The following KRT37 variants were observed in gnomAD, a reference collection of about 807,000 sequenced individuals.
KRT37 encodes keratin 37, also known as keratin, type I cuticular Ha7.
KRT37 carries 38 observed loss-of-function variants against 41.9 expected under a neutral mutation model. That is an observed-to-expected ratio of 0.91 (90% CI 0.70 to 1.19). The LOEUF (loss-of-function observed/expected upper bound fraction) is 1.19. KRT37 is among the 50% of genes most tolerant of loss of function. The pLI is 0.00. For missense variants in KRT37, 580 were observed against 575.5 expected, an observed-to-expected ratio of 1.01 and a Z score of -0.08; for synonymous variants, 252 against 243.4, an observed-to-expected ratio of 1.04 and a Z score of -0.33.
chr17:41,421,942 A>T (rs1477152726), intron 5 of KRT37, 127 bp downstream of exon 5: 1 of 1,504,750 alleles, frequency 6.6e-7, no homozygotes, highest in African/African-American at 1.4e-5. Flanking sequence ...AGACGTCTCC[A>T]TCGGGTATAG....
At chr17:41,423,732 G>T (rs751971783) in intron 2 of KRT37, 30 bp downstream of exon 2, 1 of 1,603,128 alleles carries the variant, frequency 6.2e-7, no homozygotes, top group South Asian at 1.1e-5. Context: ...CAGGAGAGAA[G>T]TCACACTGAC....
chr17:41,423,526 T>G, intron 2 of KRT37: 1 of 481,854 alleles, frequency 2.1e-6, no homozygotes, highest in Non-Finnish European at 3.6e-6. Flanking sequence ...TGGGAGAAAG[T>G]GACATAGGTT....
At chr17:41,421,098 G>C in intron 6 of KRT37, 112 bp from the exon 7 acceptor site, 1 of 845,464 alleles carries the variant, frequency 1.2e-6, no homozygotes, top group Non-Finnish European at 1.9e-6. Context: ...ACAGACCAGA[G>C]AATCTATACC....
rs2018579466 is a variant in KRT37 at position 41,424,049 on chromosome 17, C to T, written c.475G>A (p.Glu159Lys). The T allele has an allele frequency of 3.7e-6, 6 of 1,613,310 alleles. No individual in the cohort carries two copies. The highest frequency in any genetic ancestry group is 5.1e-6 in the Non-Finnish European group (6 of 1,179,426). The change falls in exon 1 of 7, where the codon GAG becomes AAG. Residue 159 changes from glutamate to lysine, a missense_variant. Coordinates refer to ENST00000225550, the MANE Select transcript of KRT37 (RefSeq NM_003770.5). ...CACCTCACCTTCTGCTGGAGCTCCT[C>T]GATTGTACGGAAGTAGGACTGGTAG... is the stretch of plus-strand genomic sequence containing the variant. The part of the protein sequence containing the change: ...PDYQSYFRTI[E>K]ELQQKILCSK...
rs865840731 is a variant in KRT37 at position 41,420,908 on chromosome 17, G to A, written c.1320C>T (p.Pro440=). Residue 440 remains proline, a synonymous_variant, in exon 7 of 7, where the codon CCC becomes CCT. Transcript: ENST00000225550. ...TCCCCATGCTGGCTCCATGGCCAGA[G>A]GGAGACCCACCGGTGACAGGGCCAC... is the stretch of plus-strand genomic sequence containing the variant. ...PSCGPVTGGS[P]SGHGASMGR 6.2e-7 allele frequency: 1 copy of A among 1,613,910 alleles called. No homozygotes were observed. The highest frequency in any genetic ancestry group is 8.5e-7 in the Non-Finnish European group (1 of 1,179,860).
At chr17:41,422,674 C>G in intron 3 of KRT37, 104 bp downstream of exon 3, 1 of 1,325,372 alleles carries the variant, frequency 7.5e-7, no homozygotes, top group Admixed American at 2.6e-5. Context: ...GCCCTGCATC[C>G]TTAGGCCAGC....
At chr17:41,421,927 C>G in intron 5 of KRT37, 142 bp downstream of exon 5, 1 of 1,430,888 alleles carries the variant, frequency 7.0e-7, no homozygotes, top group Non-Finnish European at 9.5e-7. Flanking sequence ...CTGAACTTGA[C>G]AGCAAGACGT....
At position 41,424,273 on chromosome 17, in the gene KRT37, T is replaced by C; in HGVS notation, c.251A>G (p.His84Arg). 1 of 1,614,194 alleles carries C rather than the reference T, an allele frequency of 6.2e-7. No homozygotes were observed. The highest frequency in any genetic ancestry group is 8.5e-7 in the Non-Finnish European group (1 of 1,180,022). Residue 84 changes from histidine to arginine, a missense_variant, in exon 1 of 7, where the codon CAC becomes CGC. Physicochemically the swap from His to Arg is conservative, Grantham distance 29. Transcript: ENST00000225550. ...ACAGATTCCGATGTTGCCGGGAATG[T>C]GACAGGTCCCTGGCAAGGGACAAGC... ...HTACPLPGTC[H>R]IPGNIGICGA...
At position 41,422,781 on chromosome 17, in the gene KRT37, C is replaced by T. The variant is rs765044823; in HGVS notation, c.729G>A (p.Glu243=). The T allele has an allele frequency of 2.5e-6, 4 of 1,600,964 alleles. No individual in the cohort carries two copies. The South Asian group carries it at 3.4e-5, about 13-fold the overall frequency. ...GTCTGAGCAGCCAGGGCCACACCTG[C>T]TCGTGGTTGCTCTTGAGGGAGAGCT... ...EEQLSLKSNH[E]QEVKILRSQL... is the part of the protein sequence containing the mutation. Residue 243 remains glutamate (E), a synonymous_variant, in exon 3 of 7, where the codon GAG becomes GAA. Transcript: ENST00000225550.
rs1391227444 is a variant in KRT37, at chr17:41,420,788, G to A, written c.*90C>T. 1 of 769,990 alleles carries A rather than the reference G, an allele frequency of 1.3e-6. No individual in the cohort carries two copies. The highest frequency in any genetic ancestry group is 2.2e-6 in the Non-Finnish European group (1 of 464,872). The allele number at this position is 769,990 out of a possible 1,614,324, so 47.7% of individuals were successfully genotyped here. On this transcript the variant is annotated 3_prime_UTR_variant, in exon 7 of 7. Transcript: ENST00000225550. The stretch of plus-strand genomic sequence containing the variant: ...GTTGATTTAGGGAAAATGCCTCAGT[G>A]AGTCTAGTCTTGAAGGAAGACTGGG...
Position 41,424,259 on chromosome 17 carries a change from T to A in KRT37, c.265A>T (p.Ile89Phe). ...TTGCCGTAGGCCCCACAGATTCCGA[T>A]GTTGCCGGGAATGTGACAGGTCCCT... ...LPGTCHIPGN[I>F]GICGAYGKNT... The change falls in exon 1 of 7, where the codon ATC (isoleucine) becomes TTC (phenylalanine). Residue 89 changes from isoleucine (I) to phenylalanine (F), a missense_variant. Coordinates refer to ENST00000225550, the MANE Select transcript of KRT37 (RefSeq NM_003770.5). 1 of 1,614,178 alleles carries A rather than the reference T, an allele frequency of 6.2e-7. No individual in the cohort carries two copies. Among genetic ancestry groups the A allele is most frequent in the Non-Finnish European group, 8.5e-7 (1 of 1,180,032 alleles).
chr17:41,422,223 C>T (rs2018549814), intron 4 of KRT37, 29 bp from the exon 5 acceptor site: 1 of 1,614,032 alleles, frequency 6.2e-7, no homozygotes, highest in Non-Finnish European at 8.5e-7. Context: ...CAGTCACCTC[C>T]CTGCTCAGAT....
chr17:41,423,686 T>C (rs2018573326), intron 2 of KRT37, 76 bp downstream of exon 2: 4 of 1,373,564 alleles, frequency 2.9e-6, no homozygotes, highest in East Asian at 4.6e-5. Context: ...ACCTACAATA[T>C]AGACTGAGTA....
At position 41,420,710 on chromosome 17, in the gene KRT37, A is replaced by G. The variant is rs985934530; in HGVS notation, c.*168T>C. The G allele has an allele frequency of 2.2e-6, 1 of 457,072 alleles. No homozygotes were observed. Among genetic ancestry groups the G allele is most frequent in the Admixed American group, 3.7e-5 (1 of 26,798 alleles). The allele number at this position is 457,072 out of a possible 1,614,324, so 28.3% of individuals were successfully genotyped here. ...TACAACATTTTAGCAACAACAAAAAATACAGCTTAGAGGCATAGGCAGGGA... is the reference window on the plus strand; with the variant it reads ...TACAACATTTTAGCAACAACAAAAAGTACAGCTTAGAGGCATAGGCAGGGA... On this transcript the variant is annotated 3_prime_UTR_variant, in exon 7 of 7. Transcript: ENST00000225550.
intron 3 of KRT37, 84 bp downstream of exon 3, chr17:41,422,694 G>C: frequency 7.3e-7 from 1 of 1,362,270 alleles, no homozygotes; most frequent in Non-Finnish European, 9.8e-7. Flanking sequence ...CTGAGCCCAG[G>C]CAATGCTCTG....
chr17:41,424,317 C>G lies in KRT37; in HGVS notation c.207G>C (p.Leu69=). ...STPLGRPSLC[L]PPTSHTACPL... ...GACAAGCAGTGTGACTGGTTGGGGG[C>G]AGACAGAGGCTGGGGCGGCCCAGGG... is the stretch of plus-strand genomic sequence containing the variant. The change falls in exon 1 of 7, where the codon CTG becomes CTC. Residue 69 remains leucine, a synonymous_variant. Transcript: ENST00000225550. 3 of 1,614,104 alleles carry G rather than the reference C, an allele frequency of 1.9e-6. No individual in the cohort carries two copies. Among genetic ancestry groups the G allele is most frequent in the Non-Finnish European group, 2.5e-6 (3 of 1,179,968 alleles).
Position 41,421,400 on chromosome 17 carries a change from G to A in KRT37, c.1208C>T (p.Thr403Ile). The A allele has an allele frequency of 6.2e-7, 1 of 1,614,242 alleles. No individual in the cohort carries two copies. Among genetic ancestry groups the A allele is most frequent in the South Asian group, 1.1e-5 (1 of 91,090 alleles). The change falls in exon 6 of 7, where the codon ACA becomes ATA. Residue 403 changes from threonine to isoleucine, a missense_variant. Coordinates refer to ENST00000225550, the MANE Select transcript of KRT37 (RefSeq NM_003770.5). ...CTCGCTCTCCAGAAGGTTCCGGTAT[G>A]TGGCAATCTCGTTCTCCAACCGGGC... ...VKARLENEIA[T>I]YRNLLESEDC...
rs376764085 is a variant in KRT37, at chr17:41,422,748, C to G, written c.732+30G>C. The G allele has an allele frequency of 2.8e-5, 43 of 1,529,450 alleles. 3 individuals carry two copies. Among genetic ancestry groups the G allele is most frequent in the Non-Finnish European group, 3.6e-5 (40 of 1,126,722 alleles). 94.7% of individuals were successfully genotyped at this position (1,529,450 alleles called of 1,614,324 possible). ...AGCTCCCCTGTCTGCCCAGCGCCCT[C>G]CCCAGGAGTCTGAGCAGCCAGGGCC... is the stretch of plus-strand genomic sequence containing the variant. On this transcript the variant is annotated intron_variant, in intron 3 of 6. Transcript: ENST00000225550.
At chr17:41,423,952 C>T (rs1567691279) in intron 1 of KRT37, 80 bp downstream of exon 1, 2 of 1,604,170 alleles carry the variant, frequency 1.2e-6, no homozygotes, top group Non-Finnish European at 1.7e-6. Flanking sequence ...ACCCAAAGCT[C>T]TCTGGACCTT....
Sources: gnomAD v4.1 joint callset for allele counts on GRCh38, gnomAD v4.1.1 for gene constraint, MANE v1.5 for transcripts, NCBI Gene and HGNC (gene_info 2026-07-23, HGNC 2026-07-21) for gene names.